Variants in CNKSR2 observed in about 807,000 individuals in gnomAD.
The protein encoded by CNKSR2 is CNK homolog protein 2.
CNKSR2 carries 14 observed loss-of-function variants against 84.4 expected under a neutral mutation model. The ratio of observed to expected loss-of-function variants is 0.17; its 90% confidence interval spans 0.11 to 0.26. The LOEUF is 0.26. CNKSR2 is among the 10% of genes least tolerant of loss of function. The pLI is 1.00. For synonymous variants in CNKSR2, 275 were observed against 277.9 expected (o/e 0.99, Z 0.10); for missense variants, 485 against 771.2 (o/e 0.63, Z 4.40).
chrX:21,391,358 A>T (rs939309821), intron 1 of CNKSR2, among the ~76,000 whole-genome samples: 1 of 111,846 alleles, frequency 8.9e-6, no homozygotes, highest in African/African-American at 3.3e-5. Context: ...ACATCCATAC[A>T]TTTCCATAGA....
At chrX:21,642,373 T>G in intron 20 of CNKSR2, 2 of 753,844 alleles carry the variant, frequency 2.7e-6, no homozygotes, top group South Asian at 1.3e-4. Flanking sequence ...TATTCTTTTC[T>G]GTAAAATATT....
At chrX:21,451,418 A>G (rs567315281) in intron 4 of CNKSR2, among the ~76,000 whole-genome samples, 1 of 110,662 alleles carries the variant, frequency 9.0e-6, no homozygotes, top group South Asian at 3.9e-4. Context: ...TTGCGGCACT[A>G]TTCACAATAG....
chrX:21,631,085 G>A (rs2092646015), intron 20 of CNKSR2, among the ~76,000 whole-genome samples: 1 of 110,841 alleles, frequency 9.0e-6, no homozygotes, highest in Non-Finnish European at 1.9e-5. Flanking sequence ...ACTTCAGGAG[G>A]CCAAGGCAGG....
chrX:21,486,305 A>G (rs763737117), intron 5 of CNKSR2, among the ~76,000 whole-genome samples: 15 of 111,792 alleles, frequency 1.3e-4, no homozygotes, highest in African/African-American at 4.5e-4. Context: ...TTCCTTATCT[A>G]AACTACATTC....
intron 20 of CNKSR2, among the ~76,000 whole-genome samples, chrX:21,621,157 A>G (rs1038819225): frequency 9.0e-6 from 1 of 110,928 alleles, no homozygotes. Flanking sequence ...CATCCTGGCT[A>G]CCCTCATCTG....
intron 17 of CNKSR2, among the ~76,000 whole-genome samples, chrX:21,596,192 A>G (rs2092450125): frequency 2.7e-5 from 3 of 111,511 alleles, no homozygotes; most frequent in Non-Finnish European, 5.6e-5. Context: ...TAATAGCTGT[A>G]CAGCCTTGGA....
In CNKSR2 at chrX:21,433,941, A is replaced by G. The variant is rs928944272; in HGVS notation, c.431+1127A>G. Among the ~76,000 whole-genome samples, 6 of 111,227 alleles carry G rather than the reference A, an allele frequency of 5.4e-5. No homozygotes were observed. The East Asian group carries it at 1.7e-3, about 31-fold the overall frequency. ...TATTTTGCATTATAACATTATTAAA[A>G]TTTAATTTTCATAATTGTCTAAGCC... On this transcript the variant is annotated intron_variant, in intron 3 of 21. Transcript: ENST00000379510.
At chrX:21,466,850 G>A (rs542617641) in intron 4 of CNKSR2, among the ~76,000 whole-genome samples, 1 of 111,487 alleles carries the variant, frequency 9.0e-6, no homozygotes, top group East Asian at 2.8e-4. Context: ...CTCCCAAAGT[G>A]CTAGGATTAT....
chrX:21,427,374 C>G (rs1019438972), intron 2 of CNKSR2: 1 of 111,980 alleles, frequency 8.9e-6, no homozygotes, highest in African/African-American at 3.2e-5. Context: ...GGATATACAT[C>G]AACAAGTCAG....
At chrX:21,516,886 C>T (rs759372214) in intron 9 of CNKSR2, among the ~76,000 whole-genome samples, 3 of 111,191 alleles carry the variant, frequency 2.7e-5, no homozygotes, top group African/African-American at 9.8e-5. Flanking sequence ...CAAAATGTCA[C>T]AATTTATTTC....
chrX:21,519,734 A>G (rs375106132), intron 9 of CNKSR2, among the ~76,000 whole-genome samples: 34 of 111,426 alleles, frequency 3.1e-4, no homozygotes, highest in African/African-American at 1.0e-3. Flanking sequence ...CAATATGTCT[A>G]TTTAACCTTT....
intron 20 of CNKSR2, among the ~76,000 whole-genome samples, chrX:21,614,162 A>C (rs778466439): frequency 2.7e-5 from 3 of 110,927 alleles, no homozygotes; most frequent in East Asian, 5.6e-4. Context: ...AAGATACATT[A>C]ATTCTTGTCA....
At chrX:21,425,279 A>G (rs890461807) in intron 1 of CNKSR2, 2 of 111,826 alleles carry the variant, frequency 1.8e-5, no homozygotes, top group African/African-American at 6.5e-5. Context: ...ATCCAGTGAG[A>G]ACATTTCAGC....
chrX:21,615,107 A>T (rs2092570638), intron 20 of CNKSR2, among the ~76,000 whole-genome samples: 1 of 112,023 alleles, frequency 8.9e-6, no homozygotes, highest in African/African-American at 3.2e-5. Context: ...GAAATGTGCA[A>T]AACTGCTTAT....
intron 3 of CNKSR2, among the ~76,000 whole-genome samples, chrX:21,438,248 T>A (rs2090736071): frequency 8.9e-6 from 1 of 111,932 alleles, no homozygotes; most frequent in African/African-American, 3.3e-5. Context: ...TACTGAATAC[T>A]ATAGGCAATT....
In CNKSR2 at chrX:21,588,219, C is replaced by A. The variant is rs12849357; in HGVS notation, c.1609-2353C>A. On this transcript the variant is annotated intron_variant, in intron 13 of 21. Transcript: ENST00000379510. ...CAGTGCCCCATGTGGGCAAAATAAT[C>A]TTATCATTTAGGGAAGCTTCTTATC... Among the ~76,000 whole-genome samples the A allele has an allele frequency of 2.2e-3, 247 of 111,965 alleles. 1 individual carries two copies. Among genetic ancestry groups the A allele is most frequent in the Non-Finnish European group, 3.4e-3 (181 of 53,162 alleles).
intron 13 of CNKSR2, among the ~76,000 whole-genome samples, chrX:21,581,219 T>G (rs1449474341): frequency 8.9e-6 from 1 of 112,132 alleles, no homozygotes; most frequent in Non-Finnish European, 1.9e-5. Flanking sequence ...TTCCATTCAT[T>G]TTTAAATTAT....
At chrX:21,641,754 A>T in intron 20 of CNKSR2, 1 of 1,038,008 alleles carries the variant, frequency 9.6e-7, no homozygotes, top group Non-Finnish European at 1.2e-6. Flanking sequence ...AAAAGCTTAG[A>T]TCATCAAGTG....
intron 5 of CNKSR2, among the ~76,000 whole-genome samples, chrX:21,477,877 A>C (rs944103527): frequency 8.9e-6 from 1 of 111,955 alleles, no homozygotes; most frequent in Admixed American, 9.5e-5. Context: ...TGACTTAAAA[A>C]TCCCTGAAGA....
Sources: gnomAD v4.1 joint callset for allele counts (sites outside exome capture counted in the v4.1 genomes callset) on GRCh38, gnomAD v4.1.1 for gene constraint, MANE v1.5 for transcripts, NCBI Gene and HGNC (gene_info 2026-07-23, HGNC 2026-07-21) for gene names.